EPHB1: variants seen among roughly 807,000 people sequenced by gnomAD.
The protein encoded by EPHB1 is EPH receptor B1.
A neutral mutation model predicts 94.4 loss-of-function variants in EPHB1; 30 were observed. That is an observed-to-expected ratio of 0.32 (90% CI 0.24 to 0.43). The LOEUF (loss-of-function observed/expected upper bound fraction) is 0.43. Among genes scored for constraint, EPHB1 ranks in the 20% least tolerant of loss-of-function variants. The pLI, the probability that EPHB1 is intolerant of heterozygous loss-of-function variation, is 1.00. For missense variants in EPHB1, 1,055 were observed against 1,308.3 expected, an observed-to-expected ratio of 0.81 and a Z score of 2.99; for synonymous variants, 522 against 489.1, an observed-to-expected ratio of 1.07 and a Z score of -0.89.
rs1418511704 is a variant in EPHB1, at chr3:135,259,706, C to A, written c.*586C>A. Reference sequence around the variant, plus strand: ...CCACTGCATGGGGATCCAACCAATTCAATTAATGTCTTCATATTGAAGAAG... The same window carrying A: ...CCACTGCATGGGGATCCAACCAATTAAATTAATGTCTTCATATTGAAGAAG... On this transcript the variant is annotated 3_prime_UTR_variant, in exon 16 of 16. Coordinates refer to ENST00000398015, the MANE Select transcript of EPHB1 (RefSeq NM_004441.5). 2 of 200,974 alleles carry A rather than the reference C, an allele frequency of 1.0e-5. No homozygotes were observed. The allele number at this position is 200,974 out of a possible 1,614,324, so 12.4% of individuals were successfully genotyped here. A position where few individuals can be genotyped will look rare whatever the true frequency, so the allele number is the denominator to read the frequency against.
chr3:135,243,709 T>G (rs1387923746), intron 13 of EPHB1, among the ~76,000 whole-genome samples: 3 of 151,866 alleles, frequency 2.0e-5, no homozygotes, highest in African/African-American at 7.3e-5. Flanking sequence ...AATTGAAAGG[T>G]TTTAAGGAAG....
At chr3:135,184,910 C>T (rs1176071023) in intron 10 of EPHB1, among the ~76,000 whole-genome samples, 1 of 152,218 alleles carries the variant, frequency 6.6e-6, no homozygotes, top group Non-Finnish European at 1.5e-5. Flanking sequence ...TCAGTTTGAT[C>T]AGTAGACTTG....
At position 135,064,398 on chromosome 3, in the gene EPHB1, G is replaced by A. The variant is rs1357455893; in HGVS notation, c.806-42050G>A. 2.6e-5 allele frequency among the ~76,000 whole-genome samples: 4 copies of A among 152,112 alleles called. No homozygotes were observed. The South Asian group carries it at 8.3e-4, about 32-fold the overall frequency. On this transcript the variant is annotated intron_variant, in intron 3 of 15. Coordinates refer to ENST00000398015, the MANE Select transcript of EPHB1 (RefSeq NM_004441.5). ...GCTGCTTGTTATTGGCCTGTTTAGG[G>A]TATCTAATTCTTCCTGATTTAAGCT...
intron 3 of EPHB1, among the ~76,000 whole-genome samples, chr3:134,976,887 C>G (rs1312129084): frequency 6.6e-6 from 1 of 152,210 alleles, no homozygotes; most frequent in Non-Finnish European, 1.5e-5. Flanking sequence ...GCCTTGAACT[C>G]TGGGGCTCTG....
Position 134,817,651 on chromosome 3 carries a change from A to T in EPHB1, c.58+21962A>T, listed in dbSNP as rs143201188. On this transcript the variant is annotated intron_variant, in intron 1 of 15. Coordinates refer to ENST00000398015, the MANE Select transcript of EPHB1 (RefSeq NM_004441.5). ...CAGTTTCATTACCTGTCCATTGGGGATGATGTGGTCCAACCTCTTTCTCTT... is the reference window on the plus strand; with the variant it reads ...CAGTTTCATTACCTGTCCATTGGGGTTGATGTGGTCCAACCTCTTTCTCTT... Among the ~76,000 whole-genome samples, 142 of 152,276 alleles carry T rather than the reference A, an allele frequency of 9.3e-4. 2 individuals carry two copies. The South Asian group carries it at 9.4e-3, about 10-fold the overall frequency.
chr3:134,820,061 C>T (rs2036351502), intron 1 of EPHB1, among the ~76,000 whole-genome samples: 1 of 151,766 alleles, frequency 6.6e-6, no homozygotes, highest in Non-Finnish European at 1.5e-5. Flanking sequence ...CCTCCCCTCA[C>T]CCACCCCTCC....
rs11717042 is a variant in EPHB1, at chr3:135,248,526, G to C, written c.2690+17G>C. 3 of 1,560,076 alleles carry C rather than the reference G, an allele frequency of 1.9e-6. No individual in the cohort carries two copies. Among genetic ancestry groups the C allele is most frequent in the Admixed American group, 3.6e-5 (2 of 54,810 alleles). ...CACCGCCGTGTGAGTCTAGTGAAAC[G>C]GTGATCCCTAAATATGGCTGGTTTC... On this transcript the variant is annotated intron_variant, in intron 14 of 15. Coordinates refer to ENST00000398015, the MANE Select transcript of EPHB1 (RefSeq NM_004441.5).
At chr3:135,241,443 G>T (rs1210159899) in intron 13 of EPHB1, 146 bp downstream of exon 13, 1 of 1,037,488 alleles carries the variant, frequency 9.6e-7, no homozygotes, top group Non-Finnish European at 1.4e-6. Flanking sequence ...GACACCCTTA[G>T]CATGGATGTT....
intron 1 of EPHB1, among the ~76,000 whole-genome samples, chr3:134,827,597 G>A (rs2036507476): frequency 6.6e-6 from 1 of 152,222 alleles, no homozygotes; most frequent in African/African-American, 2.4e-5. Context: ...GGTAGTTCCT[G>A]CACAAGTCCT....
chr3:135,133,122 G>A, intron 5 of EPHB1, 73 bp downstream of exon 5: 1 of 1,408,696 alleles, frequency 7.1e-7, no homozygotes, highest in Non-Finnish European at 9.6e-7. Context: ...GGACACAGCT[G>A]CAGCCACACC....
At chr3:135,010,745 G>GT (rs1216754059) in intron 3 of EPHB1, among the ~76,000 whole-genome samples, 1 of 151,890 alleles carries the variant, frequency 6.6e-6, no homozygotes, top group African/African-American at 2.4e-5. Flanking sequence ...TGTATTTTTA[G>GT]TAGAGATGGG....
intron 1 of EPHB1, among the ~76,000 whole-genome samples, chr3:134,865,099 TGAGA>T (rs1198662711): frequency 2.6e-5 from 4 of 152,006 alleles, no homozygotes; most frequent in Non-Finnish European, 5.9e-5. Context: ...TGTGTGTGTG[TGAGA>T]GAGAGAGTGT....
chr3:135,102,033 A>G (rs9873080), intron 3 of EPHB1, among the ~76,000 whole-genome samples: 49,988 of 152,006 alleles, frequency 0.33, 8,617 homozygotes, highest in South Asian at 0.42. Flanking sequence ...TCCACAATAA[A>G]TATTTGTTGA....
intron 12 of EPHB1, among the ~76,000 whole-genome samples, chr3:135,222,615 T>G (rs964616827): frequency 6.6e-6 from 1 of 152,232 alleles, no homozygotes; most frequent in Non-Finnish European, 1.5e-5. Context: ...CACTCTGTTT[T>G]CTGATAAAAC....
intron 15 of EPHB1, among the ~76,000 whole-genome samples, chr3:135,251,776 C>G (rs1300795213): frequency 6.6e-6 from 1 of 152,176 alleles, no homozygotes; most frequent in Non-Finnish European, 1.5e-5. Flanking sequence ...GCATTGTGGA[C>G]AGAGATCCAG....
intron 9 of EPHB1, among the ~76,000 whole-genome samples, chr3:135,176,306 G>C (rs566340761): frequency 6.6e-6 from 1 of 152,304 alleles, no homozygotes; most frequent in South Asian, 2.1e-4. Context: ...TTAGACCAAT[G>C]ATTCACTTTT....
At chr3:134,863,243 G>A (rs566538771) in intron 1 of EPHB1, among the ~76,000 whole-genome samples, 118 of 152,328 alleles carry the variant, frequency 7.7e-4, no homozygotes, top group African/African-American at 2.8e-3. Flanking sequence ...GGCCCTGTTA[G>A]GTGCATCTTC....
At chr3:135,004,067 A>T (rs946982179) in intron 3 of EPHB1, among the ~76,000 whole-genome samples, 3 of 151,438 alleles carry the variant, frequency 2.0e-5, no homozygotes, top group Non-Finnish European at 4.4e-5. Flanking sequence ...TGGTCTTTTC[A>T]TTTTGGCATG....
At chr3:135,238,018 T>A (rs1943696024) in intron 12 of EPHB1, among the ~76,000 whole-genome samples, 1 of 152,202 alleles carries the variant, frequency 6.6e-6, no homozygotes, top group Non-Finnish European at 1.5e-5. Context: ...TTTCACATAA[T>A]TGAAGACAAG....
Sources: allele counts gnomAD v4.1 joint callset (sites outside exome capture counted in the v4.1 genomes callset), GRCh38; gene constraint gnomAD v4.1.1; transcripts MANE v1.5; gene names NCBI Gene and HGNC (gene_info 2026-07-23, HGNC 2026-07-21).